The following MYO5B variants were observed in gnomAD, a reference collection of about 807,000 sequenced individuals.
The protein encoded by MYO5B is unconventional myosin-Vb.
In MYO5B, 143 loss-of-function variants were observed where a neutral mutation model predicts 229.3. That is an observed-to-expected ratio of 0.62 (90% CI 0.54 to 0.72). The LOEUF is 0.72. Among genes scored for constraint, MYO5B ranks in the 30% least tolerant of loss-of-function variants. MYO5B has a pLI of 0.00. For synonymous variants in MYO5B, 918 were observed against 885.2 expected (o/e 1.04, Z -0.66); for missense variants, 2,321 against 2,331.0 (o/e 1.00, Z 0.09).
chr18:50,184,935 G>C (rs570772059), intron 1 of MYO5B, among the ~76,000 whole-genome samples: 1 of 149,812 alleles, frequency 6.7e-6, no homozygotes, highest in Non-Finnish European at 1.5e-5. Context: ...AAGTTAGCTG[G>C]GCATGGTGTC....
At position 49,874,027 on chromosome 18, in the gene MYO5B, C is replaced by T. The variant is rs471268; in HGVS notation, c.3537+1660G>A. On this transcript the variant is annotated intron_variant, in intron 26 of 39. Transcript: ENST00000285039. ...TCAGGATCCCTCTTTGGACCAAAAG[C>T]GAATCCAAGAACTTGACCTCCAAAA... Among the ~76,000 whole-genome samples the T allele has an allele frequency of 7.5e-3, 1,142 of 152,266 alleles. 6 individuals are homozygous for T. The highest frequency in any genetic ancestry group is 0.012 in the African/African-American group (489 of 41,550).
At chr18:49,920,174 A>G (rs2025058913) in intron 17 of MYO5B, among the ~76,000 whole-genome samples, 1 of 152,190 alleles carries the variant, frequency 6.6e-6, no homozygotes, top group African/African-American at 2.4e-5. Flanking sequence ...CTATTAATGG[A>G]CACAGGGTTT....
chr18:50,077,195 A>G (rs1039491453), intron 1 of MYO5B, among the ~76,000 whole-genome samples: 1 of 138,942 alleles, frequency 7.2e-6, no homozygotes, highest in Non-Finnish European at 1.6e-5. Context: ...AAAAAAAAAG[A>G]CAACTTACAT....
intron 1 of MYO5B, among the ~76,000 whole-genome samples, chr18:50,192,311 G>A (rs1282286526): frequency 6.6e-6 from 1 of 152,220 alleles, no homozygotes; most frequent in African/African-American, 2.4e-5. Context: ...AGACCCTGAA[G>A]CATTTCTTTG....
intron 20 of MYO5B, among the ~76,000 whole-genome samples, chr18:49,903,824 C>T (rs17714688): frequency 0.042 from 6,364 of 152,286 alleles, 169 homozygotes; most frequent in South Asian, 0.15. Flanking sequence ...GGCTCCTGAA[C>T]CCAAGGGTTT....
intron 14 of MYO5B, among the ~76,000 whole-genome samples, chr18:49,950,032 C>T (rs1235562629): frequency 6.6e-6 from 1 of 152,130 alleles, no homozygotes; most frequent in Admixed American, 6.5e-5. Context: ...TGTGTATAGC[C>T]CATCTGCAGG....
chr18:50,077,194 G>C (rs1397267153), intron 1 of MYO5B, among the ~76,000 whole-genome samples: 1,783 of 87,904 alleles, frequency 0.02, 36 homozygotes, highest in African/African-American at 0.067. Flanking sequence ...AAAAAAAAAA[G>C]ACAACTTACA....
intron 1 of MYO5B, among the ~76,000 whole-genome samples, chr18:50,131,294 T>G (rs1424610143): frequency 1.3e-5 from 2 of 152,240 alleles, no homozygotes; most frequent in Non-Finnish European, 2.9e-5. Context: ...GGCCTTTTGT[T>G]GCCAGACTTT....
In MYO5B at chr18:49,875,651, C is replaced by T. The variant is rs547892630; in HGVS notation, c.3537+36G>A. ...ACAAGAGCTAGATTGTTCTCTCATCCAAGCACCATAAGAGCACTGCAGCCC... is the reference window on the plus strand; with the variant it reads ...ACAAGAGCTAGATTGTTCTCTCATCTAAGCACCATAAGAGCACTGCAGCCC... On this transcript the variant is annotated intron_variant, in intron 26 of 39. Coordinates refer to ENST00000285039, the MANE Select transcript of MYO5B (RefSeq NM_001080467.3). 8.1e-6 allele frequency: 13 copies of T among 1,613,684 alleles called. No individual in the cohort carries two copies. The South Asian group carries it at 1.3e-4, about 16-fold the overall frequency.
intron 8 of MYO5B, among the ~76,000 whole-genome samples, chr18:49,980,787 A>C (rs1218006059): frequency 6.6e-6 from 1 of 151,616 alleles, no homozygotes; most frequent in Non-Finnish European, 1.5e-5. Context: ...GATCGTCCTG[A>C]CCAAATCAGA....
At position 49,946,883 on chromosome 18, in the gene MYO5B, A is replaced by G. The variant is rs140815367; in HGVS notation, c.1752+6377T>C. On this transcript the variant is annotated intron_variant, in intron 14 of 39. Transcript: ENST00000285039. ...ATTTGTTTTATAAACTCAAATGAACATAAGAGATCTAGTTTGATGACAGGA... is the reference window on the plus strand; with the variant it reads ...ATTTGTTTTATAAACTCAAATGAACGTAAGAGATCTAGTTTGATGACAGGA... Among the ~76,000 whole-genome samples, 316 of 152,286 alleles carry G rather than the reference A, an allele frequency of 2.1e-3. 1 individual carries two copies. Among genetic ancestry groups the G allele is most frequent in the South Asian group, 3.9e-3 (19 of 4,820 alleles).
chr18:49,878,473 T>C (rs2024551315), intron 24 of MYO5B, among the ~76,000 whole-genome samples: 1 of 152,182 alleles, frequency 6.6e-6, no homozygotes, highest in South Asian at 2.1e-4. Flanking sequence ...GTTTGAATAC[T>C]CATTTCTGGA....
intron 1 of MYO5B, among the ~76,000 whole-genome samples, chr18:50,090,237 G>A (rs1399624436): frequency 6.6e-6 from 1 of 151,822 alleles, no homozygotes; most frequent in Non-Finnish European, 1.5e-5. Flanking sequence ...CATCTACAGG[G>A]GAAGCTGAGG....
intron 11 of MYO5B, 147 bp downstream of exon 11, chr18:49,962,802 G>A (rs898434312): frequency 1.7e-5 from 13 of 771,936 alleles, no homozygotes; most frequent in African/African-American, 5.1e-5. Flanking sequence ...AGCCCCTTCC[G>A]AAAGCTGGAG....
At chr18:50,128,025 G>A (rs80330920) in intron 1 of MYO5B, among the ~76,000 whole-genome samples, 1 of 152,198 alleles carries the variant, frequency 6.6e-6, no homozygotes, top group East Asian at 1.9e-4. Flanking sequence ...TGGTTCTCAG[G>A]CCTTTGGACT....
At chr18:49,851,134 T>TATA (rs2024195812) in intron 31 of MYO5B, 1 of 152,234 alleles carries the variant, frequency 6.6e-6, no homozygotes, top group African/African-American at 2.4e-5. Flanking sequence ...CAGCATCTTA[T>TATA]ACACCAGATG....
chr18:50,027,210 A>G (rs1167804440), intron 4 of MYO5B, among the ~76,000 whole-genome samples: 1 of 152,222 alleles, frequency 6.6e-6, no homozygotes, highest in Non-Finnish European at 1.5e-5. Flanking sequence ...CACACCTTGA[A>G]AAACTAAATC....
intron 1 of MYO5B, among the ~76,000 whole-genome samples, chr18:50,120,342 C>A (rs2032037392): frequency 6.6e-6 from 1 of 152,250 alleles, no homozygotes; most frequent in East Asian, 1.9e-4. Flanking sequence ...TAGCATCTGT[C>A]TTCTGAACCC....
intron 1 of MYO5B, among the ~76,000 whole-genome samples, chr18:50,169,100 A>AT (rs11378096): frequency 0.95 from 115,797 of 121,762 alleles, 56,637 homozygotes; most frequent in East Asian, 1. Flanking sequence ...GAGCCCAAGA[A>AT]TTGAGACCAT....
Sources: gnomAD v4.1 joint callset for allele counts (sites outside exome capture counted in the v4.1 genomes callset) on GRCh38, gnomAD v4.1.1 for gene constraint, MANE v1.5 for transcripts, NCBI Gene and HGNC (gene_info 2026-07-23, HGNC 2026-07-21) for gene names.